Variants in CCDC88A observed in about 807,000 individuals in gnomAD.
CCDC88A encodes the protein girdin.
A neutral mutation model predicts 234.3 loss-of-function variants in CCDC88A; 54 were observed. That is an observed-to-expected ratio of 0.23 (90% CI 0.19 to 0.29). The LOEUF is 0.29. CCDC88A is among the 10% of genes least tolerant of loss of function. The probability of loss-of-function intolerance (pLI) is 1.00; values close to 1 mark genes in which losing one functional copy is unlikely to be tolerated. For missense variants in CCDC88A, 1,832 were observed against 2,123.4 expected (o/e 0.86, Z 2.70); for synonymous variants, 753 against 737.8 (o/e 1.02, Z -0.33).
At chr2:55,308,624 G>T in intron 25 of CCDC88A, 185 bp downstream of exon 25, 1 of 576,756 alleles carries the variant, frequency 1.7e-6, no homozygotes. Context: ...TAGTATATCT[G>T]TGTATGATTT....
At chr2:55,413,535 C>T (rs1169432031) in intron 2 of CCDC88A, among the ~76,000 whole-genome samples, 1 of 152,150 alleles carries the variant, frequency 6.6e-6, no homozygotes, top group Non-Finnish European at 1.5e-5. Flanking sequence ...AAATTCATTC[C>T]ACTTTACTAC....
At chr2:55,392,646 T>G (rs1453959180) in intron 2 of CCDC88A, among the ~76,000 whole-genome samples, 1 of 152,262 alleles carries the variant, frequency 6.6e-6, no homozygotes, top group Non-Finnish European at 1.5e-5. Context: ...TATCATTTTT[T>G]GTTTACTGTT....
chr2:55,381,165 T>C (rs4349381), intron 3 of CCDC88A, among the ~76,000 whole-genome samples: 84,496 of 152,040 alleles, frequency 0.56, 24,845 homozygotes, highest in Admixed American at 0.65. Context: ...GGCTACACCA[T>C]ATACCGTAGG....
chr2:55,319,047 G>C, intron 18 of CCDC88A, 43 bp from the exon 19 acceptor site: 1 of 1,525,406 alleles, frequency 6.6e-7, no homozygotes, highest in Non-Finnish European at 9.0e-7. Flanking sequence ...AACAATAATG[G>C]CAACATCAAA....
chr2:55,318,931 A>C lies in CCDC88A; in HGVS notation c.3236T>G (p.Leu1079Trp). 6.2e-7 allele frequency: 1 copy of C among 1,613,594 alleles called. No individual in the cohort carries two copies. The highest frequency in any genetic ancestry group is 8.5e-7 in the Non-Finnish European group (1 of 1,179,650). Reference protein sequence around the residue: ...LKQLETQNNNLQAQILALQRQ... With the variant: ...LKQLETQNNNWQAQILALQRQ... Reference sequence around the variant, plus strand: ...CTGAAGTGCAAGAATCTGAGCCTGCAAATTATTGTTCTGTGTCTCAAGTTG... The same window carrying C: ...CTGAAGTGCAAGAATCTGAGCCTGCCAATTATTGTTCTGTGTCTCAAGTTG... Residue 1079 changes from leucine (L) to tryptophan (W), a missense_variant, in exon 19 of 33, where the codon TTG (leucine) becomes TGG (tryptophan). Leu to Trp is a moderately conservative substitution (Grantham distance 61). Transcript: ENST00000436346.
chr2:55,349,286 C>T, intron 9 of CCDC88A: 2 of 486,420 alleles, frequency 4.1e-6, no homozygotes, highest in South Asian at 6.1e-5. Flanking sequence ...CTACCTCAGT[C>T]CTAAGTAGCT....
At chr2:55,363,636 C>T (rs1671600166) in intron 6 of CCDC88A, 1 of 199,726 alleles carries the variant, frequency 5.0e-6, no homozygotes, top group African/African-American at 2.3e-5. Context: ...GAATTACAAG[C>T]AGTGTTCCAC....
At chr2:55,344,740 T>C (rs1052756616) in intron 10 of CCDC88A, among the ~76,000 whole-genome samples, 5 of 152,158 alleles carry the variant, frequency 3.3e-5, no homozygotes, top group Admixed American at 2.6e-4. Flanking sequence ...AACTTCACAT[T>C]AAATTGTCGG....
chr2:55,301,606 T>G lies in CCDC88A; in HGVS notation c.4672+266A>C, dbSNP rs144580798. On this transcript the variant is annotated intron_variant, in intron 27 of 32. Coordinates refer to ENST00000436346, the MANE Select transcript of CCDC88A (RefSeq NM_001365480.1). ...TTTTAGAAAACTAGCATTGCCTTCTTTTATCACTCTTTACCTGGTTTACTT... is the reference window on the plus strand; with the variant it reads ...TTTTAGAAAACTAGCATTGCCTTCTGTTATCACTCTTTACCTGGTTTACTT... The G allele has an allele frequency of 3.2e-5, 17 of 529,260 alleles. No individual in the cohort carries two copies. The African/African-American group carries it at 3.3e-4, about 10-fold the overall frequency. The allele number at this position is 529,260 out of a possible 1,614,324, so 32.8% of individuals were successfully genotyped here.
chr2:55,331,988 A>T, intron 16 of CCDC88A: 1 of 152,130 alleles, frequency 6.6e-6, no homozygotes, highest in East Asian at 1.9e-4. Flanking sequence ...ATAGCCTCTG[A>T]TCTTCTGCTA....
chr2:55,416,999 A>G (rs1681603896), intron 2 of CCDC88A: 1 of 152,036 alleles, frequency 6.6e-6, no homozygotes, highest in African/African-American at 2.4e-5. Flanking sequence ...GAGAGGTGGA[A>G]CTGAAAATAC....
Position 55,343,798 on chromosome 2 carries a change from T to A in CCDC88A, c.1189-6A>T, listed in dbSNP as rs779105745. 1.3e-5 allele frequency: 21 copies of A among 1,602,078 alleles called. No individual in the cohort carries two copies. The South Asian group carries it at 2.4e-4, about 18-fold the overall frequency. ...TTTCTATCCATATCTCGTTCCTTTT[T>A]TATTGGCAAGGATTAGGGAGAGAAA... is the stretch of plus-strand genomic sequence containing the variant. On this transcript the variant is annotated splice_region_variant and splice_polypyrimidine_tract_variant and intron_variant, in intron 11 of 32. Transcript: ENST00000436346.
At chr2:55,295,348 G>C in intron 31 of CCDC88A, 1 of 1,518,256 alleles carries the variant, frequency 6.6e-7, no homozygotes, top group Non-Finnish European at 8.9e-7. Context: ...GATAAGAATG[G>C]CTGAGATGAA....
Position 55,309,232 on chromosome 2 carries a change from G to A in CCDC88A, c.4102C>T (p.Arg1368Cys), listed in dbSNP as rs781638437. ...QYIDKLNELR[R>C]QKEKLEEKIM... is the part of the protein sequence containing the mutation. ...TTCTCTTCTAGTTTCTCCTTCTGAC[G>A]TCTTAATTCATTTAACTTATCACTA... Residue 1368 changes from arginine (R) to cysteine (C), a missense_variant, in exon 24 of 33, where the codon CGT becomes TGT. Transcript: ENST00000436346. This position sits in a 1 kb window ranked among gnomAD's most constrained non-coding sequence, Gnocchi z 5.1. 4.7e-6 allele frequency: 7 copies of A among 1,478,734 alleles called. No homozygotes were observed. The highest frequency in any genetic ancestry group is 6.5e-6 in the Non-Finnish European group (7 of 1,073,564). 91.6% of individuals were successfully genotyped at this position (1,478,734 alleles called of 1,614,324 possible). A position where few individuals can be genotyped will look rare whatever the true frequency, so the allele number is the denominator to read the frequency against.
chr2:55,398,232 G>C (rs1416746703), intron 2 of CCDC88A, among the ~76,000 whole-genome samples: 1 of 152,156 alleles, frequency 6.6e-6, no homozygotes, highest in Non-Finnish European at 1.5e-5. Context: ...TAGAATAGCG[G>C]AGTTCTTGAA....
Position 55,385,071 on chromosome 2 carries a change from C to G in CCDC88A, c.273+3707G>C, listed in dbSNP as rs980198428. Among the ~76,000 whole-genome samples the G allele has an allele frequency of 8.5e-5, 13 of 152,072 alleles. 1 individual carries two copies. The highest frequency in any genetic ancestry group is 3.1e-4 in the African/African-American group (13 of 41,478). On this transcript the variant is annotated intron_variant, in intron 3 of 32. Transcript: ENST00000436346. ...AAGAATTGGCACAGATAAAGTCCCC[C>G]CAAAAAATGAGTTCACAATTAAAAC... is the stretch of plus-strand genomic sequence containing the variant.
chr2:55,372,482 C>A lies in CCDC88A; in HGVS notation c.372G>T (p.Leu124=). Residue 124 remains leucine, a synonymous_variant, in exon 5 of 33, where the codon CTG becomes CTT. Coordinates refer to ENST00000436346, the MANE Select transcript of CCDC88A (RefSeq NM_001365480.1). ...CTGCACAACCCAATAAAAGTAAAAG[C>A]AGTTTTTTAACTTCTTCTGTGCCTT... ...SEQGTEEVKK[L]LLLLLGCAVQ... is the part of the protein sequence containing the mutation. 1 of 1,525,684 alleles carries A rather than the reference C, an allele frequency of 6.6e-7. No individual in the cohort carries two copies. The highest frequency in any genetic ancestry group is 9.0e-7 in the Non-Finnish European group (1 of 1,105,608). The allele number at this position is 1,525,684 out of a possible 1,614,324, so 94.5% of individuals were successfully genotyped here.
At chr2:55,406,724 A>C (rs1246854320) in intron 2 of CCDC88A, among the ~76,000 whole-genome samples, 1 of 151,590 alleles carries the variant, frequency 6.6e-6, no homozygotes, top group Non-Finnish European at 1.5e-5. Flanking sequence ...AGACCACTGC[A>C]CTCCAACTTG....
At chr2:55,395,714 T>C (rs1361371499) in intron 2 of CCDC88A, among the ~76,000 whole-genome samples, 1 of 152,212 alleles carries the variant, frequency 6.6e-6, no homozygotes, top group Non-Finnish European at 1.5e-5. Context: ...TTCATTAAGC[T>C]GTGTCTCAAA....
Sources: allele counts gnomAD v4.1 joint callset (sites outside exome capture counted in the v4.1 genomes callset), GRCh38; gene constraint gnomAD v4.1.1; non-coding constraint Gnocchi (gnomAD v3.1); transcripts MANE v1.5; gene names NCBI Gene and HGNC (gene_info 2026-07-23, HGNC 2026-07-21).